The following AMACR variants were observed in gnomAD, a reference collection of about 807,000 sequenced individuals.
AMACR encodes the protein 2-methylacyl-CoA racemase.
Under a neutral mutation model 22.2 loss-of-function variants are expected in AMACR, and 18 were observed. The observed-to-expected ratio is 0.81, with a 90% CI of 0.56 to 1.20. The LOEUF (loss-of-function observed/expected upper bound fraction) is 1.20, where lower values mean the gene tolerates loss of function less well. Ranked by LOEUF, AMACR falls within the 50% of genes most tolerant of loss-of-function variation. AMACR has a pLI of 0.00. For missense variants in AMACR, 499 were observed against 490.6 expected (o/e 1.02, Z -0.16); for synonymous variants, 213 against 191.3 (o/e 1.11, Z -0.94).
intron 2 of AMACR, 68 bp downstream of exon 2, chr5:34,005,688 T>C: frequency 6.4e-7 from 1 of 1,563,300 alleles, no homozygotes; most frequent in Non-Finnish European, 8.7e-7. Flanking sequence ...AAATTATTGT[T>C]AATCAACATA....
chr5:34,003,802 T>C (rs1753889366), intron 3 of AMACR, among the ~76,000 whole-genome samples: 1 of 152,222 alleles, frequency 6.6e-6, no homozygotes, highest in Non-Finnish European at 1.5e-5. Context: ...AACCCAGTCA[T>C]TGGTCTCTGT....
At chr5:33,992,055 T>A (rs945214727) in intron 4 of AMACR, among the ~76,000 whole-genome samples, 6 of 152,010 alleles carry the variant, frequency 3.9e-5, no homozygotes, top group Non-Finnish European at 7.4e-5. Flanking sequence ...ATTTTTTGTA[T>A]TTTTTAGTAG....
chr5:34,000,423 A>T (rs185230), intron 3 of AMACR, among the ~76,000 whole-genome samples: 27,573 of 152,192 alleles, frequency 0.18, 6,312 homozygotes, highest in African/African-American at 0.52. Context: ...GAGTCGACCT[A>T]GAAACAAAGT....
At position 33,987,606 on chromosome 5, in the gene AMACR, A is replaced by C. The variant is rs1753334020; in HGVS notation, c.*1487T>G. ...CTTCTGATAATTTCATATTTTTGTG[A>C]GACTGGGTTTTCCAGGCCATCTGAT... On this transcript the variant is annotated 3_prime_UTR_variant, in exon 5 of 5. Coordinates refer to ENST00000335606, the MANE Select transcript of AMACR (RefSeq NM_014324.6). 6.6e-6 allele frequency: 1 copy of C among 152,228 alleles called. No homozygotes were observed. The highest frequency in any genetic ancestry group is 1.5e-5 in the Non-Finnish European group (1 of 68,050). The allele number at this position is 152,228 out of a possible 1,614,324, so 9.4% of individuals were successfully genotyped here.
chr5:33,991,484 C>T (rs1473821071), intron 4 of AMACR, among the ~76,000 whole-genome samples: 3 of 152,054 alleles, frequency 2.0e-5, no homozygotes, highest in Non-Finnish European at 2.9e-5. Flanking sequence ...CATTTTAAGT[C>T]AAACAGATTT....
chr5:34,008,033 G>A lies in AMACR; in HGVS notation c.-14C>T. The A allele has an allele frequency of 1.9e-6, 3 of 1,608,884 alleles. No homozygotes were observed. The highest frequency in any genetic ancestry group is 2.5e-6 in the Non-Finnish European group (3 of 1,179,654). On this transcript the variant is annotated 5_prime_UTR_variant, in exon 1 of 5. Coordinates refer to ENST00000335606, the MANE Select transcript of AMACR (RefSeq NM_014324.6). The stretch of plus-strand genomic sequence containing the variant: ...CTGCAGTGCCATGGCGCTTCCCAGT[G>A]CCCCGCTGAAGGAAACTGAGCAGCC...
chr5:33,993,496 C>T (rs956176623), intron 4 of AMACR, among the ~76,000 whole-genome samples: 9 of 152,180 alleles, frequency 5.9e-5, no homozygotes, highest in Non-Finnish European at 1.0e-4. Context: ...AGGAAATGCA[C>T]GCTGTTTTTG....
chr5:33,989,277 T>A lies in AMACR; in HGVS notation c.965A>T (p.Asp322Val), dbSNP rs575263204. The stretch of plus-strand genomic sequence containing the variant: ...CAGAGGTGCAGGGCGGGGGCTCACG[T>A]CCTGCTCCTCACTGGTGATAAACGA... ...RGSFITSEEQ[D>V]VSPRPAPLLL... is the part of the protein sequence containing the mutation. The change falls in exon 5 of 5, where the codon GAC becomes GTC. Residue 322 changes from aspartate (D) to valine (V), a missense_variant. Coordinates refer to ENST00000335606, the MANE Select transcript of AMACR (RefSeq NM_014324.6). The A allele has an allele frequency of 2.7e-5, 44 of 1,613,970 alleles. No homozygotes were observed. Among genetic ancestry groups the A allele is most frequent in the Admixed American group, 2.0e-4 (12 of 59,992 alleles).
intron 2 of AMACR, 69 bp downstream of exon 2, chr5:34,005,687 T>A (rs1369816563): frequency 6.4e-7 from 1 of 1,568,954 alleles, no homozygotes; most frequent in East Asian, 2.3e-5. Flanking sequence ...CAAATTATTG[T>A]TAATCAACAT....
chr5:33,986,220 C>T lies in AMACR; in HGVS notation c.*2873G>A, dbSNP rs1753287124. ...ATTCTATTTTTTACTACAAGTTTTC[C>T]ACACACACAGCTCAGGAGTGAAATA... On this transcript the variant is annotated 3_prime_UTR_variant, in exon 5 of 5. Transcript: ENST00000335606. The T allele has an allele frequency of 6.6e-6, 1 of 152,096 alleles. No homozygotes were observed. Among genetic ancestry groups the T allele is most frequent in the African/African-American group, 2.4e-5 (1 of 41,388 alleles). 9.4% of individuals were successfully genotyped at this position (152,096 alleles called of 1,614,324 possible).
At chr5:33,996,499 T>C (rs1159984298) in intron 4 of AMACR, among the ~76,000 whole-genome samples, 1 of 152,088 alleles carries the variant, frequency 6.6e-6, no homozygotes, top group Non-Finnish European at 1.5e-5. Context: ...TTCAAGGCAT[T>C]TAAGGGCCAG....
rs751045891 is a variant in AMACR at position 33,989,202 on chromosome 5, C to T, written c.1040G>A (p.Gly347Glu). 6.2e-7 allele frequency: 1 copy of T among 1,614,036 alleles called. No homozygotes were observed. Residue 347 changes from glycine (G) to glutamate (E), a missense_variant, in exon 5 of 5, where the codon GGA (glycine) becomes GAA (glutamate). Transcript: ENST00000335606. Reference protein sequence around the residue: ...IPSFKRDPFIGEHTEEILEEF... With the variant: ...IPSFKRDPFIEEHTEEILEEF... ...TTCAAGTATCTCCTCAGTGTGTTCT[C>T]CTATGAAAGGATCCCTTTTGAAAGA...
intron 4 of AMACR, 44 bp from the exon 5 acceptor site, chr5:33,989,546 A>G (rs1214051926): frequency 2.7e-6 from 4 of 1,497,722 alleles, no homozygotes; most frequent in Non-Finnish European, 3.7e-6. Flanking sequence ...CTTTGAACAG[A>G]GCAATTATAA....
At chr5:34,000,613 T>G (rs572652111) in intron 3 of AMACR, among the ~76,000 whole-genome samples, 119 of 152,006 alleles carry the variant, frequency 7.8e-4, no homozygotes, top group African/African-American at 2.8e-3. Flanking sequence ...TTCTCCTGCC[T>G]CAGATTCCCG....
In AMACR at chr5:33,986,404, G is replaced by A. The variant is rs1753292651; in HGVS notation, c.*2689C>T. The stretch of plus-strand genomic sequence containing the variant: ...TTTGTCTTTGATTTCCTCAAGAGCG[G>A]AGAACAGGTCTGTTTTGTTCATTAT... On this transcript the variant is annotated 3_prime_UTR_variant, in exon 5 of 5. Coordinates refer to ENST00000335606, the MANE Select transcript of AMACR (RefSeq NM_014324.6). 1 of 152,196 alleles carries A rather than the reference G, an allele frequency of 6.6e-6. No homozygotes were observed. Among genetic ancestry groups the A allele is most frequent in the Non-Finnish European group, 1.5e-5 (1 of 68,028 alleles). The allele number at this position is 152,196 out of a possible 1,614,324, so 9.4% of individuals were successfully genotyped here.
At chr5:34,002,677 G>A (rs1486293732) in intron 3 of AMACR, among the ~76,000 whole-genome samples, 1 of 152,214 alleles carries the variant, frequency 6.6e-6, no homozygotes, top group African/African-American at 2.4e-5. Flanking sequence ...TCTCCCTCAG[G>A]GAACTGTGTG....
At chr5:33,991,724 A>ATTT (rs934986446) in intron 4 of AMACR, among the ~76,000 whole-genome samples, 3 of 73,626 alleles carry the variant, frequency 4.1e-5, no homozygotes, top group East Asian at 6.5e-4. Context: ...TGTAAACACT[A>ATTT]TTTTATTATT....
Position 33,997,231 on chromosome 5 carries a change from T to C in AMACR, c.739+1410A>G, listed in dbSNP as rs768124164. The stretch of plus-strand genomic sequence containing the variant: ...GTCACCAGCATTAGCGACTAATTCA[T>C]TAGCTTCTTGATCCTTTCTTTATTG... On this transcript the variant is annotated intron_variant, in intron 4 of 4. Transcript: ENST00000335606. The C allele has an allele frequency of 2.1e-5, 16 of 768,046 alleles. No individual in the cohort carries two copies. The African/African-American group carries it at 2.2e-4, about 11-fold the overall frequency. 47.6% of individuals were successfully genotyped at this position (768,046 alleles called of 1,614,324 possible).
intron 1 of AMACR, among the ~76,000 whole-genome samples, chr5:34,007,010 G>C (rs1440931800): frequency 6.6e-6 from 1 of 152,242 alleles, no homozygotes; most frequent in Non-Finnish European, 1.5e-5. Flanking sequence ...CAAAATGACT[G>C]TATTGATGAT....
Sources: gnomAD v4.1 joint callset for allele counts (sites outside exome capture counted in the v4.1 genomes callset) on GRCh38, gnomAD v4.1.1 for gene constraint, MANE v1.5 for transcripts, NCBI Gene and HGNC (gene_info 2026-07-23, HGNC 2026-07-21) for gene names.